The following NUDT6 variants were observed in gnomAD, a reference collection of about 807,000 sequenced individuals.
The protein encoded by NUDT6 is nudix hydrolase 6.
NUDT6 carries 24 observed loss-of-function variants against 36.8 expected under a neutral mutation model. The observed-to-expected ratio is 0.65, with a 90% CI of 0.47 to 0.92. The LOEUF (loss-of-function observed/expected upper bound fraction) is 0.92, where lower values mean the gene tolerates loss of function less well. NUDT6 is among the 40% of genes least tolerant of loss of function. The pLI, the probability that NUDT6 is intolerant of heterozygous loss-of-function variation, is 0.00. For missense variants in NUDT6, 388 were observed against 392.8 expected (o/e 0.99, Z 0.10); for synonymous variants, 163 against 157.0 (o/e 1.04, Z -0.29).
chr4:122,912,315 A>G (rs957456460), intron 3 of NUDT6, among the ~76,000 whole-genome samples: 5 of 152,210 alleles, frequency 3.3e-5, no homozygotes, highest in African/African-American at 1.2e-4. Context: ...CTTCCCAATT[A>G]AATACAGTCA....
intron 4 of NUDT6, chr4:122,894,590 AAAAG>A (rs1214946182): frequency 6.6e-6 from 1 of 152,134 alleles, no homozygotes; most frequent in Non-Finnish European, 1.5e-5. Flanking sequence ...TTGTCTCAAA[AAAAG>A]AGAAATTTTC....
upstream of NUDT6, chr4:122,922,735 G>T (rs1328325965): frequency 4.8e-6 from 3 of 630,496 alleles, no homozygotes; most frequent in Non-Finnish European, 8.1e-6. Flanking sequence ...TGGTCCACCA[G>T]CCCTTCTCAG....
chr4:122,900,055 CCA>C (rs151112413), intron 3 of NUDT6, among the ~76,000 whole-genome samples: 1 of 80,642 alleles, frequency 1.2e-5, no homozygotes, highest in Admixed American at 1.2e-4. Flanking sequence ...TGCACCCCCG[CCA>C]CCCCCCCCCC....
intron 3 of NUDT6, among the ~76,000 whole-genome samples, chr4:122,903,625 G>C (rs1727565550): frequency 6.6e-6 from 1 of 152,132 alleles, no homozygotes; most frequent in Non-Finnish European, 1.5e-5. Flanking sequence ...CTGGGATTCT[G>C]CTAACCAGTT....
chr4:122,915,240 T>C (rs1288229917), intron 2 of NUDT6, among the ~76,000 whole-genome samples: 1 of 152,106 alleles, frequency 6.6e-6, no homozygotes, highest in Non-Finnish European at 1.5e-5. Flanking sequence ...CAAATGCCAA[T>C]TATTTTTCTT....
intron 3 of NUDT6, among the ~76,000 whole-genome samples, chr4:122,901,968 A>G (rs984088361): frequency 5.3e-5 from 8 of 152,190 alleles, no homozygotes; most frequent in Non-Finnish European, 1.0e-4. Flanking sequence ...TGGTTCTCAT[A>G]TATATGTGAC....
chr4:122,922,479 C>A lies in NUDT6; in HGVS notation c.94G>T (p.Ala32Ser), dbSNP rs1311832846. ...PSAGYRWASG[A>S]QGYVRNPPVG... ...GGCGGATTCCGCACGTAACCCTGTG[C>A]GCCCGAGGCCCAGCGGTAACCCGCC... is the stretch of plus-strand genomic sequence containing the variant. The change falls in exon 1 of 5, where the codon GCA becomes TCA. Residue 32 changes from alanine to serine, a missense_variant. Transcript: ENST00000304430. 1 of 1,611,470 alleles carries A rather than the reference C, an allele frequency of 6.2e-7. No individual in the cohort carries two copies. The highest frequency in any genetic ancestry group is 1.3e-5 in the African/African-American group (1 of 74,916).
Position 122,922,490 on chromosome 4 carries a change from CA to C in NUDT6, c.82del (p.Trp28GlyfsTer98), listed in dbSNP as rs776037464. On this transcript the variant is annotated frameshift_variant, in exon 1 of 5. Transcript: ENST00000304430. LOFTEE classifies it high-confidence loss of function. ...CACGTAACCCTGTGCGCCCGAGGCC[CA>C]GCGGTAACCCGCCGAAGGCCCGGGG... ...YGPGPSAGYR[W>X]ASGAQGYVRN... 4 of 1,611,098 alleles carry C rather than the reference CA, an allele frequency of 2.5e-6. No individual in the cohort carries two copies. The highest frequency in any genetic ancestry group is 3.4e-6 in the Non-Finnish European group (4 of 1,179,756).
chr4:122,894,104 A>G (rs529256276), intron 4 of NUDT6: 1 of 152,354 alleles, frequency 6.6e-6, no homozygotes, highest in East Asian at 1.9e-4. Context: ...CTGTCTTACC[A>G]TAGACTGTCT....
chr4:122,896,575 A>T (rs1465546045), intron 4 of NUDT6: 3 of 152,288 alleles, frequency 2.0e-5, no homozygotes, highest in Non-Finnish European at 4.4e-5. Context: ...CCACTACAAA[A>T]TCATCTTTTA....
chr4:122,922,665 T>G, upstream of NUDT6: 4 of 1,082,762 alleles, frequency 3.7e-6, no homozygotes, highest in Non-Finnish European at 5.3e-6. Context: ...GTGCCATCAA[T>G]ACCCTCAGAG....
At chr4:122,896,175 C>A (rs1011783103) in intron 4 of NUDT6, 2 of 147,060 alleles carry the variant, frequency 1.4e-5, no homozygotes, top group East Asian at 4.2e-4. Flanking sequence ...GTGACAACCA[C>A]AAGCACTTTT....
chr4:122,916,404 TTA>T (rs1164260144), intron 2 of NUDT6, among the ~76,000 whole-genome samples: 3 of 152,220 alleles, frequency 2.0e-5, no homozygotes, highest in African/African-American at 7.2e-5. Context: ...AATGTAAATA[TTA>T]TTAAGAAGTA....
In NUDT6 at chr4:122,922,561, T is replaced by C. The variant is rs13134412; in HGVS notation, c.12A>G (p.Pro4=). Residue 4 remains proline, a synonymous_variant, in exon 1 of 5, where the codon CCA becomes CCG. Transcript: ENST00000304430. MRQ[P]LSWGRWRAML... is the part of the protein sequence containing the mutation. ...TCGCGCGCCAGCGGCCCCAGCTCAG[T>C]GGCTGCCGCATCTCCACGCCGCTTA... is the stretch of plus-strand genomic sequence containing the variant. The C allele has an allele frequency of 0.87, 1,392,927 of 1,597,046 alleles. 616,833 individuals are homozygous for C. The highest frequency in any genetic ancestry group is 0.95 in the East Asian group (42,489 of 44,690).
At chr4:122,908,762 A>T (rs1396624487) in intron 3 of NUDT6, among the ~76,000 whole-genome samples, 1 of 152,192 alleles carries the variant, frequency 6.6e-6, no homozygotes, top group Admixed American at 6.5e-5. Flanking sequence ...TTATAAATTA[A>T]TCTCTTATTA....
chr4:122,905,606 G>A (rs962296897), intron 3 of NUDT6, among the ~76,000 whole-genome samples: 2 of 152,118 alleles, frequency 1.3e-5, no homozygotes, highest in African/African-American at 4.8e-5. Flanking sequence ...GAAATTTTAG[G>A]AGTGCTATGC....
chr4:122,897,450 T>C lies in NUDT6; in HGVS notation c.553+174A>G, dbSNP rs1182090084. The C allele has an allele frequency of 8.0e-6, 5 of 628,018 alleles. No homozygotes were observed. The African/African-American group carries it at 9.3e-5, about 12-fold the overall frequency. 38.9% of individuals were successfully genotyped at this position (628,018 alleles called of 1,614,324 possible). A position where few individuals can be genotyped will look rare whatever the true frequency, so the allele number is the denominator to read the frequency against. ...TTTCTACTAATGGAATAAACTGTAA[T>C]ATTAGAAATTATGCTGCTAATTATA... On this transcript the variant is annotated intron_variant, in intron 4 of 4. Transcript: ENST00000304430.
Position 122,897,550 on chromosome 4 carries a change from C to T in NUDT6, c.553+74G>A. On this transcript the variant is annotated intron_variant, in intron 4 of 4. Transcript: ENST00000304430. ...GGAAAATTTAAATTTTTATTCTTAG[C>T]TATAAAGCAAGAAAGTAAACACATT... 5 of 1,076,474 alleles carry T rather than the reference C, an allele frequency of 4.6e-6. No individual in the cohort carries two copies. The South Asian group carries it at 6.4e-5, about 14-fold the overall frequency. The allele number at this position is 1,076,474 out of a possible 1,614,324, so 66.7% of individuals were successfully genotyped here.
rs746199315 is a variant in NUDT6 at position 122,917,562 on chromosome 4, CAG to C, written c.379_380del (p.Leu127ValfsTer25). The C allele has an allele frequency of 6.2e-7, 1 of 1,614,178 alleles. No individual in the cohort carries two copies. Among genetic ancestry groups the C allele is most frequent in the Admixed American group, 1.7e-5 (1 of 60,028 alleles). ...ATCTGCTGGGCCCTTCTCTCAGCCACAGAGTCAACGTTGATGAATCCGATTCT... is the reference window on the plus strand; with the variant it reads ...ATCTGCTGGGCCCTTCTCTCAGCCACAGTCAACGTTGATGAATCCGATTCT... ...HAESDSSTLT[L>X]WLREGPSRLP... On this transcript the variant is annotated frameshift_variant, in exon 2 of 5. Coordinates refer to ENST00000304430, the MANE Select transcript of NUDT6 (RefSeq NM_007083.5). LOFTEE classifies it high-confidence loss of function.
Sources: gnomAD v4.1 joint callset for allele counts (sites outside exome capture counted in the v4.1 genomes callset) on GRCh38, gnomAD v4.1.1 for gene constraint, MANE v1.5 for transcripts, NCBI Gene and HGNC (gene_info 2026-07-23, HGNC 2026-07-21) for gene names.